The following PPP3CA variants were observed in gnomAD, a reference collection of about 807,000 sequenced individuals.
PPP3CA encodes protein phosphatase 3 catalytic subunit alpha.
A neutral mutation model predicts 66.5 loss-of-function variants in PPP3CA; 14 were observed. The observed-to-expected ratio is 0.21, with a 90% CI of 0.14 to 0.33. The LOEUF (loss-of-function observed/expected upper bound fraction) is 0.33, where lower values mean the gene tolerates loss of function less well. Among genes scored for constraint, PPP3CA ranks in the 10% least tolerant of loss-of-function variants. The probability of loss-of-function intolerance (pLI) is 1.00; values close to 1 mark genes in which losing one functional copy is unlikely to be tolerated. For synonymous variants in PPP3CA, 232 were observed against 226.2 expected, an observed-to-expected ratio of 1.03 and a Z score of -0.23; for missense variants, 317 against 639.5, an observed-to-expected ratio of 0.50 and a Z score of 5.44.
chr4:101,120,319 C>T (rs995476735), intron 2 of PPP3CA, among the ~76,000 whole-genome samples: 1 of 151,866 alleles, frequency 6.6e-6, no homozygotes, highest in Admixed American at 6.6e-5. Context: ...GGGATAATAA[C>T]AAAAATAAAA....
intron 1 of PPP3CA, among the ~76,000 whole-genome samples, chr4:101,288,200 A>C (rs943436387): frequency 2.7e-4 from 41 of 152,174 alleles, no homozygotes; most frequent in African/African-American, 9.9e-4. Flanking sequence ...TCCCCTACCA[A>C]ATTAATCAGT....
chr4:101,281,652 T>C (rs189292063), intron 1 of PPP3CA, among the ~76,000 whole-genome samples: 11 of 152,318 alleles, frequency 7.2e-5, no homozygotes, highest in Admixed American at 3.3e-4. Context: ...TTTAAGTCAA[T>C]CAAATGTAAT....
intron 6 of PPP3CA, among the ~76,000 whole-genome samples, chr4:101,091,358 A>T (rs1001165164): frequency 6.6e-6 from 1 of 152,208 alleles, no homozygotes; most frequent in African/African-American, 2.4e-5. Context: ...TACTGAAAAT[A>T]AATTTTAGCC....
At chr4:101,309,133 A>G (rs766836249) in intron 1 of PPP3CA, among the ~76,000 whole-genome samples, 1 of 152,260 alleles carries the variant, frequency 6.6e-6, no homozygotes, top group South Asian at 2.1e-4. Context: ...CTCAAAAACA[A>G]TAATAATAAT....
intron 2 of PPP3CA, among the ~76,000 whole-genome samples, chr4:101,145,642 G>C (rs1316701173): frequency 6.6e-6 from 1 of 151,996 alleles, no homozygotes; most frequent in African/African-American, 2.4e-5. Context: ...AGGGTAGTTG[G>C]GGGTAAGGAA....
chr4:101,093,974 C>G, intron 5 of PPP3CA, 59 bp from the exon 6 acceptor site: 1 of 1,494,186 alleles, frequency 6.7e-7, no homozygotes, highest in South Asian at 1.4e-5. Flanking sequence ...AGAATTCTGA[C>G]AATACAAGAA....
chr4:101,248,898 C>T (rs1006861099), intron 1 of PPP3CA, among the ~76,000 whole-genome samples: 1 of 152,056 alleles, frequency 6.6e-6, no homozygotes, highest in Non-Finnish European at 1.5e-5. Flanking sequence ...CGGTGGCTCA[C>T]GCCTGTAATC....
chr4:101,070,823 T>C (rs1421006655), intron 8 of PPP3CA, among the ~76,000 whole-genome samples: 4 of 152,208 alleles, frequency 2.6e-5, no homozygotes, highest in Non-Finnish European at 4.4e-5. Context: ...TTGATCTTTG[T>C]ATGTAGCTCA....
chr4:101,051,656 GCTCT>G (rs749934617), intron 10 of PPP3CA, among the ~76,000 whole-genome samples: 5 of 152,028 alleles, frequency 3.3e-5, no homozygotes, highest in African/African-American at 4.8e-5. Flanking sequence ...CACTGAGAGA[GCTCT>G]CTATTTCAAT....
chr4:101,032,351 T>A lies in PPP3CA; in HGVS notation c.1255A>T (p.Ser419Cys), dbSNP rs769247405. 3.7e-6 allele frequency: 6 copies of A among 1,613,044 alleles called. No homozygotes were observed. The highest frequency in any genetic ancestry group is 1.1e-5 in the South Asian group (1 of 90,798). The change falls in exon 12 of 14, where the codon AGT (serine) becomes TGT (cysteine). Residue 419 changes from serine to cysteine, a missense_variant. This residue lies in a region of PPP3CA where 201 missense variants were observed against 501.4 expected (regional missense o/e 0.40). Transcript: ENST00000394854. ...GTCAAGCCTTTCAGCGTCAGCACAC[T>A]CTCACTCTCTTCTCTGGAAGGCACA... is the stretch of plus-strand genomic sequence containing the variant. ...VFSVLREESE[S>C]VLTLKGLTPT...
At chr4:101,101,479 T>G (rs1730438799) in intron 3 of PPP3CA, among the ~76,000 whole-genome samples, 2 of 152,148 alleles carry the variant, frequency 1.3e-5, no homozygotes, top group Non-Finnish European at 2.9e-5. Flanking sequence ...TCCAAATTGG[T>G]CGTTAATTTA....
chr4:101,121,488 G>GA (rs1318105094), intron 2 of PPP3CA, among the ~76,000 whole-genome samples: 3 of 151,868 alleles, frequency 2.0e-5, no homozygotes, highest in Non-Finnish European at 4.4e-5. Context: ...TCACAAATCT[G>GA]AAATATATTT....
chr4:101,113,695 A>G (rs570179978), intron 2 of PPP3CA, among the ~76,000 whole-genome samples: 18 of 152,214 alleles, frequency 1.2e-4, no homozygotes, highest in South Asian at 8.3e-4. Flanking sequence ...TCAACATACT[A>G]AAGTATCCAG....
intron 1 of PPP3CA, among the ~76,000 whole-genome samples, chr4:101,332,447 C>T (rs1037612440): frequency 2.0e-5 from 3 of 152,280 alleles, no homozygotes; most frequent in Admixed American, 1.3e-4. Flanking sequence ...TGACACCTGT[C>T]AAATATCACA....
chr4:101,307,649 A>T (rs1728589441), intron 1 of PPP3CA, among the ~76,000 whole-genome samples: 1 of 152,246 alleles, frequency 6.6e-6, no homozygotes, highest in African/African-American at 2.4e-5. Flanking sequence ...AAACATGGTC[A>T]AGTATAAAAC....
chr4:101,089,407 G>A (rs915505589), intron 6 of PPP3CA, among the ~76,000 whole-genome samples: 2 of 152,160 alleles, frequency 1.3e-5, no homozygotes, highest in Non-Finnish European at 2.9e-5. Context: ...GAGAAGAGAA[G>A]GCTGCTGATT....
At chr4:101,123,838 A>G (rs190173779) in intron 2 of PPP3CA, among the ~76,000 whole-genome samples, 1 of 152,294 alleles carries the variant, frequency 6.6e-6, no homozygotes, top group African/African-American at 2.4e-5. Flanking sequence ...CTAAGCCTCA[A>G]GTTCTTAAGA....
chr4:101,206,109 G>A (rs1032574508), intron 1 of PPP3CA, among the ~76,000 whole-genome samples: 6 of 152,102 alleles, frequency 3.9e-5, no homozygotes, highest in Non-Finnish European at 7.4e-5. Flanking sequence ...GCTTCCTTCT[G>A]ATGACCAGAT....
chr4:101,123,555 G>A (rs546010361), intron 2 of PPP3CA, among the ~76,000 whole-genome samples: 184 of 152,304 alleles, frequency 1.2e-3, no homozygotes, highest in African/African-American at 4.3e-3. Flanking sequence ...GACAGGCCAG[G>A]CACAGTGGCT....
Sources: allele counts gnomAD v4.1 joint callset (sites outside exome capture counted in the v4.1 genomes callset), GRCh38; gene constraint gnomAD v4.1.1; regional missense constraint gnomAD v4.1.1; transcripts MANE v1.5; gene names NCBI Gene and HGNC (gene_info 2026-07-23, HGNC 2026-07-21).